The following GRIK2 variants were observed in gnomAD, a reference collection of about 807,000 sequenced individuals.
GRIK2 encodes glutamate receptor ionotropic, kainate 2.
Under a neutral mutation model 100.3 loss-of-function variants are expected in GRIK2, and 32 were observed. The ratio of observed to expected loss-of-function variants is 0.32; its 90% confidence interval spans 0.24 to 0.43. The LOEUF is 0.43. GRIK2 is among the 20% of genes least tolerant of loss of function. GRIK2 has a pLI of 1.00. For synonymous variants in GRIK2, 417 were observed against 389.4 expected (o/e 1.07, Z -0.83); for missense variants, 843 against 1,114.9 (o/e 0.76, Z 3.47).
intron 4 of GRIK2, among the ~76,000 whole-genome samples, chr6:101,664,884 A>G (rs1769898998): frequency 6.6e-6 from 1 of 152,170 alleles, no homozygotes; most frequent in Admixed American, 6.6e-5. Context: ...CCCTTTTATA[A>G]AAAACAACAA....
chr6:101,797,459 A>C (rs977917287), intron 7 of GRIK2, among the ~76,000 whole-genome samples: 6 of 151,308 alleles, frequency 4.0e-5, no homozygotes, highest in Non-Finnish European at 7.4e-5. Flanking sequence ...ATAAAATGTT[A>C]ACAATAGATT....
chr6:101,599,797 A>G (rs779142040), intron 2 of GRIK2, among the ~76,000 whole-genome samples: 2 of 151,596 alleles, frequency 1.3e-5, no homozygotes, highest in Non-Finnish European at 3.0e-5. Context: ...AGATTTTGGA[A>G]TTAGAACTTA....
At chr6:101,816,644 T>C (rs1347329869) in intron 9 of GRIK2, among the ~76,000 whole-genome samples, 1 of 152,054 alleles carries the variant, frequency 6.6e-6, no homozygotes, top group East Asian at 1.9e-4. Flanking sequence ...TGAGCAGAGA[T>C]TGCACCATTG....
chr6:101,662,915 A>T (rs931602961), intron 4 of GRIK2, among the ~76,000 whole-genome samples: 1 of 152,094 alleles, frequency 6.6e-6, no homozygotes, highest in Non-Finnish European at 1.5e-5. Context: ...TGTATTCCTG[A>T]TACATTTACA....
chr6:101,427,483 C>T (rs1267020499), intron 2 of GRIK2, among the ~76,000 whole-genome samples: 3 of 152,192 alleles, frequency 2.0e-5, no homozygotes, highest in Non-Finnish European at 4.4e-5. Flanking sequence ...GGACTATATA[C>T]TTTTCATCTC....
chr6:101,784,376 A>G (rs1046710394), intron 7 of GRIK2, among the ~76,000 whole-genome samples: 13 of 152,234 alleles, frequency 8.5e-5, no homozygotes, highest in African/African-American at 3.1e-4. Flanking sequence ...CTTGGAAGTA[A>G]CTAACATGCT....
In GRIK2 at chr6:101,889,649, C is replaced by T; in HGVS notation, c.1534C>T (p.Leu512Phe). 3 of 1,529,652 alleles carry T rather than the reference C, an allele frequency of 2.0e-6. No homozygotes were observed. Among genetic ancestry groups the T allele is most frequent in the Admixed American group, 1.7e-5 (1 of 57,448 alleles). The allele number at this position is 1,529,652 out of a possible 1,614,324, so 94.8% of individuals were successfully genotyped here. A position where few individuals can be genotyped will look rare whatever the true frequency, so the allele number is the denominator to read the frequency against. ...TTGTTTCTGTCTACAGAAAGCTGAC[C>T]TTGCAGTTGCTCCACTGGCTATTAC... The part of the protein sequence containing the change: ...VRELIDHKAD[L>F]AVAPLAITYV... Residue 512 changes from leucine (L) to phenylalanine (F), a missense_variant, in exon 12 of 17, where the codon CTT becomes TTT. By Grantham distance (22) the Leu-to-Phe change is conservative. This residue lies in a region of GRIK2 where 519 missense variants were observed against 643.8 expected (regional missense o/e 0.81). Coordinates refer to ENST00000369134, the MANE Select transcript of GRIK2 (RefSeq NM_021956.5).
intron 16 of GRIK2, among the ~76,000 whole-genome samples, chr6:102,065,597 C>T (rs2114537389): frequency 6.6e-6 from 1 of 151,310 alleles, no homozygotes; most frequent in Non-Finnish European, 1.5e-5. Context: ...AGTAATGTAA[C>T]CAAAATATCT....
intron 2 of GRIK2, among the ~76,000 whole-genome samples, chr6:101,415,471 C>T (rs1416164538): frequency 1.3e-5 from 2 of 150,412 alleles, no homozygotes; most frequent in Non-Finnish European, 3.0e-5. Flanking sequence ...CCTGGGTTCA[C>T]GCCATTCTCC....
intron 14 of GRIK2, among the ~76,000 whole-genome samples, chr6:102,030,707 A>G (rs1425684418): frequency 6.6e-6 from 1 of 151,126 alleles, no homozygotes; most frequent in Non-Finnish European, 1.5e-5. Context: ...TCAGCCTCCT[A>G]TGCCAGCTGG....
At chr6:101,823,306 T>C (rs1423029307) in intron 10 of GRIK2, among the ~76,000 whole-genome samples, 1 of 152,172 alleles carries the variant, frequency 6.6e-6, no homozygotes, top group Admixed American at 6.5e-5. Context: ...CAGTACATAG[T>C]TGTATTATGC....
In GRIK2 at chr6:101,963,317, A is replaced by T. The variant is rs575001168; in HGVS notation, c.2085+34685A>T. 2.2e-3 allele frequency among the ~76,000 whole-genome samples: 49 copies of T among 22,098 alleles called. 1 individual carries two copies. The highest frequency in any genetic ancestry group is 5.6e-3 in the African/African-American group (41 of 7,274). The allele number at this position is 22,098 out of a possible 152,430, so 14.5% of individuals were successfully genotyped here. A position where few individuals can be genotyped will look rare whatever the true frequency, so the allele number is the denominator to read the frequency against. On this transcript the variant is annotated intron_variant, in intron 14 of 16. Transcript: ENST00000369134. ...TTTTTTTTTTTTTTTTTTTTTTTTGAGATGGAGTCTAGCTCTGTCGCCCAG... is the reference window on the plus strand; with the variant it reads ...TTTTTTTTTTTTTTTTTTTTTTTTGTGATGGAGTCTAGCTCTGTCGCCCAG...
chr6:101,864,243 C>T (rs1343679723), intron 11 of GRIK2, among the ~76,000 whole-genome samples: 2 of 151,626 alleles, frequency 1.3e-5, no homozygotes, highest in African/African-American at 2.4e-5. Flanking sequence ...ATCAGTGAGA[C>T]AGCAGAGTTT....
intron 11 of GRIK2, among the ~76,000 whole-genome samples, chr6:101,887,769 A>G (rs1224684611): frequency 1.3e-5 from 2 of 151,920 alleles, no homozygotes; most frequent in African/African-American, 2.4e-5. Flanking sequence ...CTTTTAAACA[A>G]CCAGGTCTCC....
chr6:101,481,023 G>C (rs1227157480), intron 2 of GRIK2, among the ~76,000 whole-genome samples: 2 of 152,074 alleles, frequency 1.3e-5, no homozygotes, highest in Non-Finnish European at 2.9e-5. Flanking sequence ...CAAGCCTATC[G>C]CTAAACCTGA....
At chr6:101,531,362 G>A (rs1370841429) in intron 2 of GRIK2, among the ~76,000 whole-genome samples, 1 of 151,846 alleles carries the variant, frequency 6.6e-6, no homozygotes, top group African/African-American at 2.4e-5. Context: ...CATATATATG[G>A]CTATGTATAT....
chr6:101,705,270 A>C (rs749149376), intron 7 of GRIK2, among the ~76,000 whole-genome samples: 2 of 151,450 alleles, frequency 1.3e-5, no homozygotes, highest in Non-Finnish European at 1.5e-5. Flanking sequence ...ATGCACCTTA[A>C]TTCAGCTTTG....
intron 4 of GRIK2, among the ~76,000 whole-genome samples, chr6:101,644,674 T>C (rs983910503): frequency 1.3e-5 from 2 of 151,868 alleles, no homozygotes; most frequent in Non-Finnish European, 2.9e-5. Flanking sequence ...AAAAGTGATA[T>C]AATGAATTTT....
intron 1 of GRIK2, among the ~76,000 whole-genome samples, chr6:101,398,252 A>T (rs1274742490): frequency 6.6e-6 from 1 of 152,236 alleles, no homozygotes; most frequent in African/African-American, 2.4e-5. Context: ...CACCCATTCA[A>T]ACATCATTGT....
Sources: gnomAD v4.1 joint callset for allele counts (sites outside exome capture counted in the v4.1 genomes callset) on GRCh38, gnomAD v4.1.1 for gene constraint, gnomAD v4.1.1 regional missense constraint, MANE v1.5 for transcripts, NCBI Gene and HGNC (gene_info 2026-07-23, HGNC 2026-07-21) for gene names.